CTNND2: variants seen among roughly 807,000 people sequenced by gnomAD.
CTNND2 encodes the protein catenin delta 2, also known as catenin delta-2.
In CTNND2, 22 loss-of-function variants were observed where a neutral mutation model predicts 144.4. The observed-to-expected ratio is 0.15, with a 90% CI of 0.11 to 0.22. The LOEUF (loss-of-function observed/expected upper bound fraction) is 0.22. Ranked by LOEUF, CTNND2 falls within the 10% of genes least tolerant of loss-of-function variation. The probability of loss-of-function intolerance (pLI) is 1.00; values close to 1 mark genes in which losing one functional copy is unlikely to be tolerated. For synonymous variants in CTNND2, 751 were observed against 695.6 expected (o/e 1.08, Z -1.25); for missense variants, 1,353 against 1,618.8 (o/e 0.84, Z 2.82).
chr5:11,847,946 A>G (rs1794823776), intron 1 of CTNND2, among the ~76,000 whole-genome samples: 1 of 152,084 alleles, frequency 6.6e-6, no homozygotes, highest in Admixed American at 6.6e-5. Context: ...TAACAATGGC[A>G]ATTATGTTAA....
chr5:11,047,392 T>C (rs1193169424), intron 16 of CTNND2, among the ~76,000 whole-genome samples: 3 of 152,154 alleles, frequency 2.0e-5, no homozygotes, highest in African/African-American at 7.2e-5. Context: ...GTAAAAGGCA[T>C]TGTTTTGGGG....
chr5:11,361,658 C>T (rs1756469161), intron 8 of CTNND2, among the ~76,000 whole-genome samples: 1 of 152,208 alleles, frequency 6.6e-6, no homozygotes, highest in Non-Finnish European at 1.5e-5. Flanking sequence ...CTAGATGCTT[C>T]CCCACCAAAG....
At chr5:11,300,527 T>C (rs895726160) in intron 9 of CTNND2, among the ~76,000 whole-genome samples, 1 of 151,988 alleles carries the variant, frequency 6.6e-6, no homozygotes, top group Non-Finnish European at 1.5e-5. Context: ...CCCCAGTGAC[T>C]ACAGATCCGA....
At chr5:11,859,539 C>A (rs1328489763) in intron 1 of CTNND2, among the ~76,000 whole-genome samples, 2 of 152,164 alleles carry the variant, frequency 1.3e-5, no homozygotes, top group Non-Finnish European at 2.9e-5. Flanking sequence ...TGGGGGACCT[C>A]TTATCAGTCA....
At chr5:11,674,721 T>C (rs1279225707) in intron 2 of CTNND2, among the ~76,000 whole-genome samples, 1 of 151,612 alleles carries the variant, frequency 6.6e-6, no homozygotes, top group Non-Finnish European at 1.5e-5. Context: ...GTTTGTTTGG[T>C]TGGTTGGTTG....
intron 18 of CTNND2, among the ~76,000 whole-genome samples, chr5:11,005,802 A>T (rs1740421584): frequency 6.6e-6 from 1 of 152,228 alleles, no homozygotes; most frequent in Non-Finnish European, 1.5e-5. Context: ...GTTTAGTGTT[A>T]AACAGTGAAG....
chr5:11,762,458 C>G (rs1432803325), intron 1 of CTNND2, among the ~76,000 whole-genome samples: 3 of 152,134 alleles, frequency 2.0e-5, no homozygotes, highest in Admixed American at 6.6e-5. Flanking sequence ...ACAAAATAGA[C>G]CTCATATGTG....
chr5:11,379,577 A>C (rs1236854221), intron 7 of CTNND2, among the ~76,000 whole-genome samples: 1 of 151,820 alleles, frequency 6.6e-6, no homozygotes, highest in East Asian at 1.9e-4. Flanking sequence ...AAAAAAACTA[A>C]ACAAACTTTG....
intron 15 of CTNND2, among the ~76,000 whole-genome samples, chr5:11,086,590 C>T (rs1750170773): frequency 6.6e-6 from 1 of 152,088 alleles, no homozygotes; most frequent in Admixed American, 6.6e-5. Context: ...CAGAGATGAA[C>T]CTGAAGTAAA....
At chr5:11,428,770 A>G (rs1445062616) in intron 3 of CTNND2, among the ~76,000 whole-genome samples, 1 of 152,212 alleles carries the variant, frequency 6.6e-6, no homozygotes, top group African/African-American at 2.4e-5. Flanking sequence ...CAACACTTTT[A>G]TTCAACTTTC....
intron 12 of CTNND2, among the ~76,000 whole-genome samples, chr5:11,130,796 CG>C (rs1561356725): frequency 6.6e-6 from 1 of 152,164 alleles, no homozygotes; most frequent in African/African-American, 2.4e-5. Context: ...GTCCATCCCC[CG>C]GGTCAGTGCC....
At chr5:11,627,671 T>A (rs1227283810) in intron 2 of CTNND2, among the ~76,000 whole-genome samples, 1 of 151,958 alleles carries the variant, frequency 6.6e-6, no homozygotes, top group African/African-American at 2.4e-5. Context: ...ACCAGTTTCA[T>A]GGAAGACAAT....
Position 11,556,190 on chromosome 5 carries a change from C to T in CTNND2, c.287+8754G>A, listed in dbSNP as rs181408378. ...CAAAAGCAATCTAACTTTTTTTTTC[C>T]ACCTGGCAAATGTGTACTCGCTGTG... is the stretch of plus-strand genomic sequence containing the variant. On this transcript the variant is annotated intron_variant, in intron 3 of 21. Coordinates refer to ENST00000304623, the MANE Select transcript of CTNND2 (RefSeq NM_001332.4). Among the ~76,000 whole-genome samples the T allele has an allele frequency of 3.1e-3, 465 of 151,504 alleles. 2 individuals are homozygous for T. Among genetic ancestry groups the T allele is most frequent in the Admixed American group, 7.2e-3 (110 of 15,216 alleles).
chr5:11,134,596 T>C (rs1755945172), intron 12 of CTNND2, among the ~76,000 whole-genome samples: 1 of 152,246 alleles, frequency 6.6e-6, no homozygotes, highest in African/African-American at 2.4e-5. Context: ...TCTGCTAACG[T>C]ATTTCAAAAG....
chr5:11,533,940 G>T (rs1773987077), intron 3 of CTNND2, among the ~76,000 whole-genome samples: 2 of 152,186 alleles, frequency 1.3e-5, no homozygotes, highest in Non-Finnish European at 2.9e-5. Flanking sequence ...AGAGCATTCT[G>T]CATTCACACT....
chr5:11,489,166 G>A (rs1561466815), intron 3 of CTNND2, among the ~76,000 whole-genome samples: 1 of 152,136 alleles, frequency 6.6e-6, no homozygotes, highest in African/African-American at 2.4e-5. Flanking sequence ...ATTCCCTCGA[G>A]CCATGTATAA....
intron 3 of CTNND2, among the ~76,000 whole-genome samples, chr5:11,477,906 T>C (rs1026178410): frequency 6.6e-6 from 1 of 152,136 alleles, no homozygotes; most frequent in Non-Finnish European, 1.5e-5. Flanking sequence ...GCGTATCTGA[T>C]TTTTAGGGAT....
chr5:11,649,054 C>A (rs532147580), intron 2 of CTNND2, among the ~76,000 whole-genome samples: 297 of 152,280 alleles, frequency 2.0e-3, no homozygotes, highest in African/African-American at 6.7e-3. Context: ...TAGTAAAATT[C>A]TTTGTCCTCC....
rs537354261 is a variant in CTNND2 at position 11,104,677 on chromosome 5, G to A, written c.2464-5929C>T. Among the ~76,000 whole-genome samples, 28 of 152,254 alleles carry A rather than the reference G, an allele frequency of 1.8e-4. No individual in the cohort carries two copies. In the South Asian group the frequency reaches 5.6e-3, roughly 30 times the overall value. ...AATTTCAAAGAAAACGGTAGTGCGG[G>A]TGTCTGAATCCCCCAGGAGCTGTTC... is the stretch of plus-strand genomic sequence containing the variant. On this transcript the variant is annotated intron_variant, in intron 14 of 21. Coordinates refer to ENST00000304623, the MANE Select transcript of CTNND2 (RefSeq NM_001332.4).
Sources: gnomAD v4.1 joint callset for allele counts (sites outside exome capture counted in the v4.1 genomes callset) on GRCh38, gnomAD v4.1.1 for gene constraint, MANE v1.5 for transcripts, NCBI Gene and HGNC (gene_info 2026-07-23, HGNC 2026-07-21) for gene names.